Variants in ZPBP observed in about 807,000 individuals in gnomAD.
The protein encoded by ZPBP is zona pellucida-binding protein 1.
ZPBP carries 26 observed loss-of-function variants against 44.8 expected under a neutral mutation model. That is an observed-to-expected ratio of 0.58 (90% CI 0.43 to 0.81). ZPBP has a LOEUF of 0.81. Among genes scored for constraint, ZPBP ranks in the 30% least tolerant of loss-of-function variants. The pLI is 0.00. For missense variants in ZPBP, 409 were observed against 434.0 expected, an observed-to-expected ratio of 0.94 and a Z score of 0.51; for synonymous variants, 174 against 153.2, an observed-to-expected ratio of 1.14 and a Z score of -1.00.
chr7:50,027,116 T>C (rs1386641177), intron 5 of ZPBP, among the ~76,000 whole-genome samples: 1 of 142,552 alleles, frequency 7.0e-6, no homozygotes, highest in Non-Finnish European at 1.5e-5. Flanking sequence ...ACAAGCTGAA[T>C]ATGTAAGACC....
intron 7 of ZPBP, among the ~76,000 whole-genome samples, chr7:49,959,667 G>T (rs1795766933): frequency 6.6e-6 from 1 of 152,082 alleles, no homozygotes. Context: ...ATATATTTGA[G>T]ATAACAATTA....
chr7:49,917,799 G>T (rs1321658516), intron 1 of ZPBP: 2 of 151,194 alleles, frequency 1.3e-5, no homozygotes, highest in Admixed American at 6.8e-5. Flanking sequence ...TTGAATTTCT[G>T]TAATTTATGT....
At chr7:49,988,602 T>C (rs1797425693) in intron 6 of ZPBP, among the ~76,000 whole-genome samples, 2 of 152,216 alleles carry the variant, frequency 1.3e-5, no homozygotes, top group South Asian at 4.1e-4. Flanking sequence ...GTTAGTCATG[T>C]TTCTAACTGT....
intron 7 of ZPBP, among the ~76,000 whole-genome samples, chr7:49,937,955 T>C (rs990239843): frequency 2.0e-5 from 3 of 152,294 alleles, no homozygotes; most frequent in African/African-American, 4.8e-5. Context: ...CTTGCATGCA[T>C]GCACAGTTGA....
intron 3 of ZPBP, among the ~76,000 whole-genome samples, chr7:50,077,054 T>C (rs1246491786): frequency 3.3e-5 from 5 of 150,260 alleles, no homozygotes; most frequent in South Asian, 2.1e-4. Context: ...AACAGACACA[T>C]AGACCAATGA....
chr7:49,883,402 C>A (rs980414911), intron 2 of ZPBP, among the ~76,000 whole-genome samples: 4 of 151,856 alleles, frequency 2.6e-5, no homozygotes, highest in Non-Finnish European at 5.9e-5. Context: ...ATAGGAAAAA[C>A]AATTTGGAAA....
At chr7:49,970,304 G>A (rs936504806) in intron 7 of ZPBP, among the ~76,000 whole-genome samples, 1 of 152,054 alleles carries the variant, frequency 6.6e-6, no homozygotes, top group Non-Finnish European at 1.5e-5. Context: ...CTGGGAGATA[G>A]AGAGTTCTAC....
intron 2 of ZPBP, among the ~76,000 whole-genome samples, chr7:49,854,267 T>G (rs769922): frequency 5.3e-5 from 8 of 151,988 alleles, no homozygotes; most frequent in Non-Finnish European, 7.4e-5. Flanking sequence ...ATTTCTAGTT[T>G]GAGATCCTTG....
At chr7:49,886,023 C>T (rs752891291) in intron 2 of ZPBP, among the ~76,000 whole-genome samples, 3 of 152,160 alleles carry the variant, frequency 2.0e-5, no homozygotes, top group Non-Finnish European at 4.4e-5. Context: ...TGTTGGACAT[C>T]GGAGTGGAGA....
In ZPBP at chr7:49,875,394, A is replaced by AC. The variant is rs1791368705; in HGVS notation, n.510-24881_510-24880insG. 1.3e-5 allele frequency among the ~76,000 whole-genome samples: 2 copies of AC among 150,320 alleles called. 1 individual carries two copies. ...CAAAAAAAAAAAAAAAAAAAAAAAA[A>AC]AAACAGGAATAAATGTCATGTTACA... On this transcript the variant is annotated intron_variant and non_coding_transcript_variant, in intron 2 of 2. Coordinates refer to the ZPBP transcript ENST00000465922.
At chr7:49,942,303 T>C in intron 7 of ZPBP, 1 of 228,284 alleles carries the variant, frequency 4.4e-6, no homozygotes, top group Non-Finnish European at 8.6e-6. Flanking sequence ...TCATTGGTCT[T>C]CTTTTTGTTC....
At chr7:49,846,807 A>G (rs1789960147), downstream of ZPBP, among the ~76,000 whole-genome samples, 1 of 152,240 alleles carries the variant, frequency 6.6e-6, no homozygotes, top group African/African-American at 2.4e-5. Context: ...ATACATATGT[A>G]AATTTCCCCA....
downstream of ZPBP, among the ~76,000 whole-genome samples, chr7:49,934,612 T>C (rs55840626): frequency 0.014 from 2,197 of 152,276 alleles, 64 homozygotes; most frequent in African/African-American, 0.05. Context: ...TAATATTCAA[T>C]CAAATGGAAA....
rs1440541673 is a variant in ZPBP, at chr7:49,983,556, T to TA, written c.784-38dup. ...ATACAATTTGATAAACTGTTAGCCA[T>TA]AAAAAATGTAATTTTAGAACAAATA... On this transcript the variant is annotated intron_variant, in intron 6 of 7. Coordinates refer to ENST00000046087, the MANE Select transcript of ZPBP (RefSeq NM_007009.3). 11 of 1,336,706 alleles carry TA rather than the reference T, an allele frequency of 8.2e-6. No individual in the cohort carries two copies. In the African/African-American group the frequency reaches 1.2e-4, roughly 14 times the overall value. The allele number at this position is 1,336,706 out of a possible 1,614,324, so 82.8% of individuals were successfully genotyped here. A position where few individuals can be genotyped will look rare whatever the true frequency, so the allele number is the denominator to read the frequency against.
intron 2 of ZPBP, among the ~76,000 whole-genome samples, chr7:49,875,101 G>A (rs991709270): frequency 2.6e-5 from 4 of 152,054 alleles, no homozygotes; most frequent in African/African-American, 9.6e-5. Flanking sequence ...GCCGGGCACG[G>A]TGGCTCATGC....
intron 4 of ZPBP, among the ~76,000 whole-genome samples, chr7:50,045,301 G>A (rs1477526939): frequency 6.6e-6 from 1 of 152,132 alleles, no homozygotes; most frequent in East Asian, 1.9e-4. Flanking sequence ...TCTGGCCAGG[G>A]CAATCAGGCA....
At position 49,995,990 on chromosome 7, in the gene ZPBP, A is replaced by G. The variant is rs140453042; in HGVS notation, c.784-12471T>C. 1.5e-3 allele frequency among the ~76,000 whole-genome samples: 227 copies of G among 152,294 alleles called. 3 individuals are homozygous for G. The highest frequency in any genetic ancestry group is 5.2e-3 in the African/African-American group (218 of 41,568). Reference sequence around the variant, plus strand: ...GGGTGACTATAGTTAACAACAATGCATTTTATATTTCAAAAAGGACTTCAA... The same window carrying G: ...GGGTGACTATAGTTAACAACAATGCGTTTTATATTTCAAAAAGGACTTCAA... On this transcript the variant is annotated intron_variant, in intron 6 of 7. Transcript: ENST00000046087.
rs1183260734 is a variant in ZPBP at position 50,027,775 on chromosome 7, A to G, written c.706+3317T>C. Among the ~76,000 whole-genome samples the G allele has an allele frequency of 2.0e-5, 3 of 152,006 alleles. No homozygotes were observed. In the East Asian group the frequency reaches 5.8e-4, roughly 29 times the overall value. The stretch of plus-strand genomic sequence containing the variant: ...CAGAAATAAAAAGGATAACAAGAGA[A>G]CAATATAAACCATTGTAGGCCAATA... On this transcript the variant is annotated intron_variant, in intron 5 of 7. Coordinates refer to ENST00000046087, the MANE Select transcript of ZPBP (RefSeq NM_007009.3).
intron 1 of ZPBP, among the ~76,000 whole-genome samples, chr7:49,926,578 C>T (rs1794241299): frequency 6.6e-6 from 1 of 152,194 alleles, no homozygotes; most frequent in South Asian, 2.1e-4. Flanking sequence ...GAAGGGTACC[C>T]TCTTTGCCCA....
Sources: gnomAD v4.1 joint callset for allele counts (sites outside exome capture counted in the v4.1 genomes callset) on GRCh38, gnomAD v4.1.1 for gene constraint, MANE v1.5 for transcripts, NCBI Gene and HGNC (gene_info 2026-07-23, HGNC 2026-07-21) for gene names.